The following DLGAP2 variants were observed in gnomAD, a reference collection of about 807,000 sequenced individuals.
The protein encoded by DLGAP2 is disks large-associated protein 2.
A neutral mutation model predicts 100.3 loss-of-function variants in DLGAP2; 26 were observed. The observed-to-expected ratio is 0.26, with a 90% CI of 0.19 to 0.36. DLGAP2 has a LOEUF of 0.36. Among genes scored for constraint, DLGAP2 ranks in the 10% least tolerant of loss-of-function variants. The pLI is 1.00. For missense variants in DLGAP2, 1,858 were observed against 1,453.2 expected (o/e 1.28, Z -4.53); for synonymous variants, 886 against 630.1 (o/e 1.41, Z -6.08).
At chr8:932,403 G>GA (rs1248900511) in intron 2 of DLGAP2, among the ~76,000 whole-genome samples, 1 of 152,208 alleles carries the variant, frequency 6.6e-6, no homozygotes, top group Non-Finnish European at 1.5e-5. Flanking sequence ...GAGAAAGACT[G>GA]ATAAATGGTT....
intron 13 of DLGAP2, among the ~76,000 whole-genome samples, chr8:1,696,420 A>G (rs937185457): frequency 1.3e-5 from 2 of 152,188 alleles, no homozygotes; most frequent in South Asian, 4.1e-4. Context: ...GGATCCCTTC[A>G]GCCCAGGAGG....
intron 2 of DLGAP2, among the ~76,000 whole-genome samples, chr8:1,225,601 T>C (rs1335796936): frequency 6.6e-6 from 1 of 152,216 alleles, no homozygotes; most frequent in African/African-American, 2.4e-5. Context: ...GCTTTAAAAA[T>C]TAAAATCATA....
intron 2 of DLGAP2, among the ~76,000 whole-genome samples, chr8:1,200,894 C>T (rs577775061): frequency 6.6e-6 from 1 of 152,348 alleles, no homozygotes; most frequent in South Asian, 2.1e-4. Context: ...CTCCCGTGCT[C>T]GGTTTCTCCA....
At chr8:1,348,491 C>A (rs143908851) in intron 3 of DLGAP2, among the ~76,000 whole-genome samples, 1 of 26,816 alleles carries the variant, frequency 3.7e-5, no homozygotes, top group Non-Finnish European at 8.1e-5. Flanking sequence ...AGTTCCCATA[C>A]AGAGCTACAT....
chr8:1,140,887 G>A (rs1165756761), intron 2 of DLGAP2, among the ~76,000 whole-genome samples: 1 of 152,168 alleles, frequency 6.6e-6, no homozygotes, highest in Non-Finnish European at 1.5e-5. Flanking sequence ...CAGGAGAATC[G>A]GCAGAAAAAT....
chr8:879,105 A>G (rs1797737146), intron 1 of DLGAP2, among the ~76,000 whole-genome samples: 3 of 152,144 alleles, frequency 2.0e-5, no homozygotes, highest in Admixed American at 2.0e-4. Context: ...TTTATTTTTT[A>G]CATTGACAAA....
intron 2 of DLGAP2, chr8:1,250,322 G>A (rs1000123156): frequency 6.6e-6 from 1 of 152,276 alleles, no homozygotes; most frequent in Non-Finnish European, 1.5e-5. Context: ...CAACTCCAGT[G>A]CCTGGGTCTG....
chr8:1,287,163 C>A (rs1467444825), intron 3 of DLGAP2, among the ~76,000 whole-genome samples: 1 of 86,214 alleles, frequency 1.2e-5, no homozygotes, highest in African/African-American at 4.8e-5. Flanking sequence ...TGTGTGCGCG[C>A]GCGCGCGTGG....
chr8:1,117,350 G>A (rs575750207), intron 2 of DLGAP2, among the ~76,000 whole-genome samples: 7 of 152,326 alleles, frequency 4.6e-5, no homozygotes, highest in South Asian at 4.1e-4. Context: ...ATGCGGTGAC[G>A]ATGCACGGTC....
intron 1 of DLGAP2, among the ~76,000 whole-genome samples, chr8:797,248 T>G (rs1198374052): frequency 6.6e-6 from 1 of 152,214 alleles, no homozygotes; most frequent in Non-Finnish European, 1.5e-5. Flanking sequence ...GGGCTCTCAC[T>G]TGCTGCTTCT....
intron 1 of DLGAP2, among the ~76,000 whole-genome samples, chr8:870,904 C>G (rs1048461806): frequency 1.3e-5 from 2 of 152,174 alleles, no homozygotes; most frequent in Non-Finnish European, 1.5e-5. Flanking sequence ...GGGGGCTCAG[C>G]AGGTCTCTGT....
chr8:1,173,550 C>T (rs1413256310), intron 2 of DLGAP2, among the ~76,000 whole-genome samples: 2 of 152,188 alleles, frequency 1.3e-5, no homozygotes, highest in African/African-American at 2.4e-5. Flanking sequence ...TTGGAGCTTC[C>T]CGGTTGCTTT....
intron 3 of DLGAP2, among the ~76,000 whole-genome samples, chr8:1,482,620 C>T (rs1164094188): frequency 1.3e-5 from 2 of 152,242 alleles, no homozygotes; most frequent in Admixed American, 1.3e-4. Flanking sequence ...GCGGCTTGCT[C>T]GGCTGGCTTC....
intron 8 of DLGAP2, among the ~76,000 whole-genome samples, chr8:1,650,600 A>G (rs1056144670): frequency 2.0e-5 from 3 of 152,268 alleles, no homozygotes; most frequent in African/African-American, 7.2e-5. Flanking sequence ...AGAAAAAGAT[A>G]CTGGGTGCTT....
In DLGAP2 at chr8:1,626,729, C is replaced by T; in HGVS notation, c.1443-11C>T. The T allele has an allele frequency of 3.1e-6, 5 of 1,590,762 alleles. No individual in the cohort carries two copies. The highest frequency in any genetic ancestry group is 4.3e-6 in the Non-Finnish European group (5 of 1,168,890). On this transcript the variant is annotated splice_polypyrimidine_tract_variant and intron_variant, in intron 6 of 14. Transcript: ENST00000637795. ...CACAGAATGCCTTTTCTCCTTTCTTCTTTCCTGTAGCCAGACCTACCTGCA... is the reference window on the plus strand; with the variant it reads ...CACAGAATGCCTTTTCTCCTTTCTTTTTTCCTGTAGCCAGACCTACCTGCA...
chr8:1,093,891 G>A (rs1804277386), intron 2 of DLGAP2, among the ~76,000 whole-genome samples: 1 of 152,198 alleles, frequency 6.6e-6, no homozygotes, highest in African/African-American at 2.4e-5. Flanking sequence ...TGCCAGCCGA[G>A]GGGTCTGTCT....
At chr8:1,210,193 G>C (rs1798074218) in intron 2 of DLGAP2, among the ~76,000 whole-genome samples, 1 of 152,072 alleles carries the variant, frequency 6.6e-6, no homozygotes, top group African/African-American at 2.4e-5. Flanking sequence ...GGCTCTGCTG[G>C]GCATGTGACA....
At chr8:1,280,938 T>C (rs555051535) in intron 3 of DLGAP2, among the ~76,000 whole-genome samples, 1 of 152,308 alleles carries the variant, frequency 6.6e-6, no homozygotes, top group Admixed American at 6.5e-5. Flanking sequence ...TATCAGAAGC[T>C]ATATGGGGAA....
chr8:1,102,024 C>T (rs1282509489), intron 2 of DLGAP2, among the ~76,000 whole-genome samples: 2 of 151,862 alleles, frequency 1.3e-5, no homozygotes, highest in African/African-American at 4.8e-5. Flanking sequence ...AAAAAGCAGC[C>T]AGCATATTGT....
Sources: allele counts gnomAD v4.1 joint callset (sites outside exome capture counted in the v4.1 genomes callset), GRCh38; gene constraint gnomAD v4.1.1; transcripts MANE v1.5; gene names NCBI Gene and HGNC (gene_info 2026-07-23, HGNC 2026-07-21).